Variants in COL19A1 observed in about 807,000 individuals in gnomAD.
COL19A1 encodes collagen type XIX alpha 1 chain.
Under a neutral mutation model 190.2 loss-of-function variants are expected in COL19A1, and 159 were observed. The observed-to-expected ratio is 0.84, with a 90% CI of 0.73 to 0.95. The LOEUF (loss-of-function observed/expected upper bound fraction) is 0.95, where lower values mean the gene tolerates loss of function less well. Among genes scored for constraint, COL19A1 ranks in the 40% least tolerant of loss-of-function variants. The probability of loss-of-function intolerance (pLI) is 0.00; values close to 1 mark genes in which losing one functional copy is unlikely to be tolerated. For synonymous variants in COL19A1, 509 were observed against 458.9 expected (o/e 1.11, Z -1.39); for missense variants, 1,418 against 1,431.9 (o/e 0.99, Z 0.16).
intron 35 of COL19A1, among the ~76,000 whole-genome samples, 189 bp downstream of exon 35, chr6:70,162,142 T>C (rs1232312504): frequency 6.6e-6 from 1 of 152,198 alleles, no homozygotes; most frequent in Non-Finnish European, 1.5e-5. Context: ...CTCAGTGTCC[T>C]GGGGACTTGC....
rs373789282 is a variant in COL19A1 at position 70,023,575 on chromosome 6, G to T, written c.1027-52G>T. 49 of 1,473,836 alleles carry T rather than the reference G, an allele frequency of 3.3e-5. No individual in the cohort carries two copies. In the African/African-American group the frequency reaches 7.0e-4, roughly 21 times the overall value. 91.3% of individuals were successfully genotyped at this position (1,473,836 alleles called of 1,614,324 possible). On this transcript the variant is annotated intron_variant, in intron 11 of 50. Transcript: ENST00000620364. ...ACCAACATAACTTTATTTTTTGCTAGCAAAGGTTTTCAGATATAAGATTTT... is the reference window on the plus strand; with the variant it reads ...ACCAACATAACTTTATTTTTTGCTATCAAAGGTTTTCAGATATAAGATTTT...
intron 11 of COL19A1, among the ~76,000 whole-genome samples, chr6:69,966,781 T>TAA (rs1015800778): frequency 2.3e-5 from 3 of 132,236 alleles, no homozygotes; most frequent in Admixed American, 7.6e-5. Context: ...CTAAAAAAAT[T>TAA]AAAAAAAAAA....
chr6:70,057,809 A>AT (rs1780590516), intron 14 of COL19A1, among the ~76,000 whole-genome samples: 3 of 152,054 alleles, frequency 2.0e-5, no homozygotes, highest in Admixed American at 2.0e-4. Flanking sequence ...TCTAAATTGG[A>AT]TTTTCCATAG....
intron 16 of COL19A1, among the ~76,000 whole-genome samples, chr6:70,113,794 C>T (rs1228768408): frequency 2.6e-5 from 4 of 151,240 alleles, no homozygotes; most frequent in Non-Finnish European, 5.9e-5. Context: ...TTACCCCTCT[C>T]CCATTCTGGT....
rs553827913 is a variant in COL19A1 at position 70,041,908 on chromosome 6, G to A, written c.1170+5969G>A. On this transcript the variant is annotated intron_variant, in intron 14 of 50. Coordinates refer to ENST00000620364, the MANE Select transcript of COL19A1 (RefSeq NM_001858.6). ...CTCTACTACAAATAAAAAAATAAAAGTAAAAAAAAAATAGCCGGATTTGGT... is the reference window on the plus strand; with the variant it reads ...CTCTACTACAAATAAAAAAATAAAAATAAAAAAAAAATAGCCGGATTTGGT... 2.4e-3 allele frequency among the ~76,000 whole-genome samples: 370 copies of A among 151,188 alleles called. 3 individuals are homozygous for A. The highest frequency in any genetic ancestry group is 8.5e-3 in the African/African-American group (350 of 41,232).
intron 12 of COL19A1, among the ~76,000 whole-genome samples, chr6:70,031,861 T>C (rs935068993): frequency 1.3e-5 from 2 of 152,184 alleles, no homozygotes; most frequent in African/African-American, 4.8e-5. Flanking sequence ...ACCTGTTTAT[T>C]GTCAGCCACT....
At chr6:69,905,990 A>G (rs1042771619) in intron 4 of COL19A1, among the ~76,000 whole-genome samples, 99 of 152,324 alleles carry the variant, frequency 6.5e-4, no homozygotes, top group African/African-American at 2.3e-3. Flanking sequence ...TTGTATACAT[A>G]TTGAGAGCTA....
chr6:70,028,747 G>C (rs1778861041), intron 12 of COL19A1, among the ~76,000 whole-genome samples: 1 of 152,122 alleles, frequency 6.6e-6, no homozygotes, highest in African/African-American at 2.4e-5. Context: ...ACACTTTGGG[G>C]TTATCACTCT....
chr6:69,888,958 A>AG (rs1189995163), intron 2 of COL19A1, among the ~76,000 whole-genome samples: 3 of 152,170 alleles, frequency 2.0e-5, no homozygotes, highest in African/African-American at 4.8e-5. Flanking sequence ...GGATGTGTAC[A>AG]GGGGGGCTGA....
intron 11 of COL19A1, among the ~76,000 whole-genome samples, chr6:69,967,526 A>C (rs757162395): frequency 1.3e-5 from 2 of 152,172 alleles, no homozygotes; most frequent in Non-Finnish European, 2.9e-5. Flanking sequence ...CTTTTCTTCC[A>C]TTCTGGGTTA....
In COL19A1 at chr6:69,988,256, T is replaced by C. The variant is rs1776415572; in HGVS notation, c.1026+25386T>C. Among the ~76,000 whole-genome samples the C allele has an allele frequency of 2.6e-5, 4 of 152,180 alleles. No individual in the cohort carries two copies. The South Asian group carries it at 8.3e-4, about 32-fold the overall frequency. ...AAAGGTTACATGTCATTTCCTGTAC[T>C]CCTCATATTCACTAGATTTGACTAT... On this transcript the variant is annotated intron_variant, in intron 11 of 50. Transcript: ENST00000620364.
chr6:70,063,316 G>T (rs1014092001), intron 14 of COL19A1, among the ~76,000 whole-genome samples: 1 of 150,036 alleles, frequency 6.7e-6, no homozygotes, highest in Non-Finnish European at 1.5e-5. Flanking sequence ...TAGAACTCAG[G>T]ATTAAGAAAC....
intron 44 of COL19A1, among the ~76,000 whole-genome samples, chr6:70,183,841 C>T (rs556745493): frequency 6.6e-6 from 1 of 152,310 alleles, no homozygotes; most frequent in East Asian, 1.9e-4. Context: ...CATGCAATTG[C>T]CTGCTGGCTA....
chr6:70,121,666 T>C (rs1370398055), intron 16 of COL19A1, among the ~76,000 whole-genome samples: 1 of 152,178 alleles, frequency 6.6e-6, no homozygotes, highest in Non-Finnish European at 1.5e-5. Context: ...TTAGGACCTC[T>C]TTTTGGATTC....
Position 69,965,310 on chromosome 6 carries a change from C to T in COL19A1, c.1026+2440C>T, listed in dbSNP as rs3805974. Reference sequence around the variant, plus strand: ...CATATCTTCCAGAAACACATAGTTACGGTCAAAATATAAAAATTACATCAA... The same window carrying T: ...CATATCTTCCAGAAACACATAGTTATGGTCAAAATATAAAAATTACATCAA... On this transcript the variant is annotated intron_variant, in intron 11 of 50. Coordinates refer to ENST00000620364, the MANE Select transcript of COL19A1 (RefSeq NM_001858.6). 3.9e-5 allele frequency among the ~76,000 whole-genome samples: 6 copies of T among 152,200 alleles called. No individual in the cohort carries two copies. In the East Asian group the frequency reaches 9.7e-4, roughly 24 times the overall value.
chr6:69,896,571 A>AAAAAAAAAC (rs1769784458), intron 2 of COL19A1, among the ~76,000 whole-genome samples: 1 of 142,296 alleles, frequency 7.0e-6, no homozygotes, highest in African/African-American at 2.6e-5. Flanking sequence ...AAAAAAAAAA[A>AAAAAAAAAC]TACTGCCAAA....
chr6:70,206,566 AG>A lies in COL19A1; in HGVS notation c.3224-333del, dbSNP rs546507208. ...AGGATCACTTGAACACAGGAGGTGG[AG>A]GTTGCAGTGAGCCAAGATAATAGTG... On this transcript the variant is annotated intron_variant, in intron 49 of 50. Coordinates refer to ENST00000620364, the MANE Select transcript of COL19A1 (RefSeq NM_001858.6). Among the ~76,000 whole-genome samples, 380 of 141,542 alleles carry A rather than the reference AG, an allele frequency of 2.7e-3. 2 individuals are homozygous for A. Among genetic ancestry groups the A allele is most frequent in the African/African-American group, 9.3e-3 (353 of 37,986 alleles). The allele number at this position is 141,542 out of a possible 152,430, so 92.9% of individuals were successfully genotyped here. A position where few individuals can be genotyped will look rare whatever the true frequency, so the allele number is the denominator to read the frequency against.
At chr6:69,948,232 C>T (rs1043507314) in intron 9 of COL19A1, among the ~76,000 whole-genome samples, 7 of 151,802 alleles carry the variant, frequency 4.6e-5, no homozygotes, top group Non-Finnish European at 7.4e-5. Flanking sequence ...ATCACCGAAG[C>T]GCTTGAGCTA....
At chr6:69,897,856 T>A (rs1345619618) in intron 2 of COL19A1, among the ~76,000 whole-genome samples, 1 of 152,208 alleles carries the variant, frequency 6.6e-6, no homozygotes, top group Admixed American at 6.5e-5. Context: ...TTACAAATTG[T>A]GTTCAAAATG....
Sources: gnomAD v4.1 joint callset for allele counts (sites outside exome capture counted in the v4.1 genomes callset) on GRCh38, gnomAD v4.1.1 for gene constraint, MANE v1.5 for transcripts, NCBI Gene and HGNC (gene_info 2026-07-23, HGNC 2026-07-21) for gene names.